Variants in GALNT13 observed in about 807,000 individuals in gnomAD.
GALNT13 encodes polypeptide N-acetylgalactosaminyltransferase 13, also known as UDP-GalNAc:polypeptide N-acetylgalactosaminyltransferase 13.
A neutral mutation model predicts 64.2 loss-of-function variants in GALNT13; 28 were observed. The observed-to-expected ratio is 0.44, with a 90% CI of 0.32 to 0.60. The LOEUF (loss-of-function observed/expected upper bound fraction) is 0.60. GALNT13 is among the 20% of genes least tolerant of loss of function. The pLI is 0.05. For synonymous variants in GALNT13, 214 were observed against 224.6 expected, an observed-to-expected ratio of 0.95 and a Z score of 0.42; for missense variants, 577 against 669.8, an observed-to-expected ratio of 0.86 and a Z score of 1.53.
At position 154,123,865 on chromosome 2, in the gene GALNT13, C is replaced by T. The variant is rs1040866376; in HGVS notation, c.143-16472C>T. 3.9e-5 allele frequency among the ~76,000 whole-genome samples: 6 copies of T among 152,052 alleles called. No homozygotes were observed. In the South Asian group the frequency reaches 8.3e-4, roughly 21 times the overall value. On this transcript the variant is annotated intron_variant, in intron 3 of 12. Coordinates refer to ENST00000392825, the MANE Select transcript of GALNT13 (RefSeq NM_052917.4). ...ATATATCAGCAGGTCTGAGAATTTG[C>T]GTGGGCTTCACACAGAAGGAGCACA...
chr2:153,936,863 G>A (rs1295151564), intron 2 of GALNT13, among the ~76,000 whole-genome samples: 1 of 152,018 alleles, frequency 6.6e-6, no homozygotes, highest in Non-Finnish European at 1.5e-5. Context: ...TGGGACTACA[G>A]GCGTGTGCCA....
At chr2:153,764,672 T>G in the GALNT13 span, among the ~76,000 whole-genome samples, 1 of 152,218 alleles carries the variant, frequency 6.6e-6, no homozygotes, top group South Asian at 2.1e-4. Flanking sequence ...AAGAGCCAAA[T>G]GTTAATCACC....
chr2:153,964,973 A>G (rs1350578372), intron 3 of GALNT13, among the ~76,000 whole-genome samples: 1 of 152,118 alleles, frequency 6.6e-6, no homozygotes, highest in African/African-American at 2.4e-5. Flanking sequence ...CCAACATTTT[A>G]CCACTGAATA....
chr2:154,296,906 G>T (rs1559074126), intron 8 of GALNT13, among the ~76,000 whole-genome samples: 1 of 152,198 alleles, frequency 6.6e-6, no homozygotes, highest in Non-Finnish European at 1.5e-5. Context: ...CCTCTCTGAT[G>T]AAGTGATGTT....
At chr2:153,086,078 G>A in the GALNT13 span, among the ~76,000 whole-genome samples, 1 of 152,180 alleles carries the variant, frequency 6.6e-6, no homozygotes. Flanking sequence ...CATGGGGTCT[G>A]TAGCCCCTTC....
At chr2:154,256,644 C>G (rs1335567612) in intron 7 of GALNT13, among the ~76,000 whole-genome samples, 1 of 152,082 alleles carries the variant, frequency 6.6e-6, no homozygotes. Context: ...TCAATAACAA[C>G]AACAACAAAG....
intron 3 of GALNT13, among the ~76,000 whole-genome samples, chr2:154,134,326 G>A (rs1176605381): frequency 6.6e-6 from 1 of 152,182 alleles, no homozygotes; most frequent in African/African-American, 2.4e-5. Context: ...GATGAACAAG[G>A]ATTATTTGAG....
chr2:154,287,500 C>A, intron 8 of GALNT13: 1 of 295,028 alleles, frequency 3.4e-6, no homozygotes, highest in Non-Finnish European at 6.7e-6. Context: ...TTCCTTTTGC[C>A]CCCACCCCAG....
the GALNT13 span, among the ~76,000 whole-genome samples, chr2:153,779,418 T>A: frequency 6.6e-6 from 1 of 152,176 alleles, no homozygotes; most frequent in Admixed American, 6.5e-5. Flanking sequence ...AGGCACCTCA[T>A]TTTACAATGC....
At chr2:153,415,980 A>G in the GALNT13 span, among the ~76,000 whole-genome samples, 3 of 152,212 alleles carry the variant, frequency 2.0e-5, no homozygotes, top group Admixed American at 2.0e-4. Flanking sequence ...TAATCATTCT[A>G]GGTAATTGTT....
chr2:153,852,129 A>G, the GALNT13 span, among the ~76,000 whole-genome samples: 1 of 152,208 alleles, frequency 6.6e-6, no homozygotes, highest in Non-Finnish European at 1.5e-5. Context: ...AAGTAAAAAA[A>G]AATAATATAT....
intron 10 of GALNT13, among the ~76,000 whole-genome samples, chr2:154,398,704 A>G (rs566975840): frequency 6.6e-6 from 1 of 152,316 alleles, no homozygotes; most frequent in East Asian, 1.9e-4. Context: ...GGCATTAAGT[A>G]TCCTCTCTAC....
chr2:154,307,830 C>G (rs1043575754), intron 9 of GALNT13, among the ~76,000 whole-genome samples: 10 of 152,174 alleles, frequency 6.6e-5, no homozygotes, highest in African/African-American at 1.2e-4. Flanking sequence ...AACTGCTCTT[C>G]ACAGAATACC....
chr2:153,343,584 A>G, the GALNT13 span, among the ~76,000 whole-genome samples: 1 of 152,182 alleles, frequency 6.6e-6, no homozygotes, highest in Admixed American at 6.5e-5. Context: ...AGAATTCCAC[A>G]CATAAAAATA....
chr2:154,021,088 G>A (rs912169348), intron 3 of GALNT13, among the ~76,000 whole-genome samples: 10 of 152,144 alleles, frequency 6.6e-5, no homozygotes, highest in African/African-American at 2.4e-4. Context: ...GTACCATGCT[G>A]TTTTGGTTAC....
At chr2:154,362,023 T>G (rs1190501428) in intron 9 of GALNT13, among the ~76,000 whole-genome samples, 1 of 151,996 alleles carries the variant, frequency 6.6e-6, no homozygotes, top group Non-Finnish European at 1.5e-5. Flanking sequence ...CTGAGCCCAG[T>G]CCCATGGAAT....
chr2:153,821,658 A>C, the GALNT13 span, among the ~76,000 whole-genome samples: 5 of 152,336 alleles, frequency 3.3e-5, no homozygotes, highest in African/African-American at 9.6e-5. Context: ...ACAATCTAAC[A>C]TTATACCTAG....
intron 7 of GALNT13, among the ~76,000 whole-genome samples, chr2:154,254,645 T>C (rs1209078991): frequency 1.3e-5 from 2 of 152,224 alleles, no homozygotes; most frequent in East Asian, 3.9e-4. Context: ...TTTTTCATTT[T>C]ATATTAAGAG....
the GALNT13 span, among the ~76,000 whole-genome samples, chr2:153,580,857 C>T: frequency 1.3e-5 from 2 of 152,098 alleles, no homozygotes; most frequent in African/African-American, 4.8e-5. Flanking sequence ...CTCTCAGGTA[C>T]ATTCTTGGTT....
Sources: allele counts gnomAD v4.1 joint callset (sites outside exome capture counted in the v4.1 genomes callset), GRCh38; gene constraint gnomAD v4.1.1; transcripts MANE v1.5; gene names NCBI Gene and HGNC (gene_info 2026-07-23, HGNC 2026-07-21).